IL3RA: variants seen among roughly 807,000 people sequenced by gnomAD.
IL3RA encodes interleukin 3 receptor subunit alpha.
In IL3RA, 73 loss-of-function variants were observed where a neutral mutation model predicts 52.3. The ratio of observed to expected loss-of-function variants is 1.40; its 90% CI spans 1.16 to 1.70. IL3RA has a LOEUF of 1.70. Ranked by LOEUF, IL3RA falls within the 40% of genes most tolerant of loss-of-function variation. IL3RA has a pLI of 0.00. For missense variants in IL3RA, 664 were observed against 504.4 expected (o/e 1.32, Z -3.03); for synonymous variants, 260 against 194.0 (o/e 1.34, Z -2.83).
At chrX:1,346,943 C>G (rs763419072) in intron 3 of IL3RA, among the ~76,000 whole-genome samples, 1 of 151,182 alleles carries the variant, frequency 6.6e-6, no homozygotes, top group Non-Finnish European at 1.5e-5. Flanking sequence ...TCCCATTGAA[C>G]TTTGTGATTT....
intron 2 of IL3RA, among the ~76,000 whole-genome samples, chrX:1,343,704 C>A (rs1385954823): frequency 6.8e-6 from 1 of 147,142 alleles, no homozygotes; most frequent in Non-Finnish European, 1.5e-5. Flanking sequence ...CCTTTAACAT[C>A]TTTGTACAGG....
chrX:1,352,708 TCTCA>T (rs1255442445), intron 6 of IL3RA, among the ~76,000 whole-genome samples: 2 of 152,098 alleles, frequency 1.3e-5, no homozygotes, highest in Non-Finnish European at 2.9e-5. Flanking sequence ...AGGGTCATCT[TCTCA>T]CTGTGTCTTC....
intron 2 of IL3RA, among the ~76,000 whole-genome samples, chrX:1,343,038 G>GCA (rs1224529435): frequency 1.3e-5 from 2 of 151,682 alleles, no homozygotes; most frequent in African/African-American, 4.8e-5. Flanking sequence ...TCACGCCATT[G>GCA]CACTCCAGCC....
intron 1 of IL3RA, 53 bp from the exon 2 acceptor site, chrX:1,341,675 G>A (rs3202253): frequency 0.031 from 45,451 of 1,458,508 alleles, 838 homozygotes; most frequent in Middle Eastern, 0.055. Flanking sequence ...TTCATTACCC[G>A]CAACCCAGTT....
At chrX:1,347,850 A>G (rs1327358622) in intron 3 of IL3RA, among the ~76,000 whole-genome samples, 1 of 149,736 alleles carries the variant, frequency 6.7e-6, no homozygotes, top group South Asian at 2.1e-4. Context: ...CCTCCTGGCT[A>G]ACACGGTGAA....
At position 1,348,492 on chromosome X, in the gene IL3RA, C is replaced by A; in HGVS notation, c.245C>A (p.Thr82Asn). ...AISLCEVTNY[T>N]VRVANPPFST... ...TCCTTATGTGAAGTGACCAACTACACCGTCCGAGTGGCCAACCCACCATTC... is the reference window on the plus strand; with the variant it reads ...TCCTTATGTGAAGTGACCAACTACAACGTCCGAGTGGCCAACCCACCATTC... Residue 82 changes from threonine to asparagine, a missense_variant, in exon 4 of 12, where the codon ACC becomes AAC. Physicochemically the swap from Thr to Asn is moderately conservative, Grantham distance 65. Coordinates refer to ENST00000331035, the MANE Select transcript of IL3RA (RefSeq NM_002183.4). The A allele has an allele frequency of 6.2e-7, 1 of 1,613,922 alleles. No homozygotes were observed. Among genetic ancestry groups the A allele is most frequent in the Non-Finnish European group, 8.5e-7 (1 of 1,179,864 alleles).
At chrX:1,344,494 A>G (rs1364893661) in intron 2 of IL3RA, among the ~76,000 whole-genome samples, 6 of 151,486 alleles carry the variant, frequency 4.0e-5, no homozygotes, top group South Asian at 2.1e-4. Context: ...TTGTATATCA[A>G]CTGGGCATGG....
intron 8 of IL3RA, among the ~76,000 whole-genome samples, chrX:1,364,588 A>G (rs2087760397): frequency 6.6e-6 from 1 of 151,594 alleles, no homozygotes; most frequent in Non-Finnish European, 1.5e-5. Context: ...CCCCCACCTC[A>G]GCCTCCCTGG....
intron 8 of IL3RA, among the ~76,000 whole-genome samples, chrX:1,361,333 T>G (rs1238810228): frequency 6.6e-6 from 1 of 152,108 alleles, no homozygotes; most frequent in Non-Finnish European, 1.5e-5. Context: ...TACCCAAGAC[T>G]GGGTAATTTA....
At chrX:1,343,585 T>G (rs1707301963) in intron 2 of IL3RA, among the ~76,000 whole-genome samples, 1 of 147,246 alleles carries the variant, frequency 6.8e-6, no homozygotes, top group South Asian at 2.2e-4. Context: ...GAGAATCACT[T>G]GAACCCGGGA....
chrX:1,345,466 T>G, intron 3 of IL3RA, 32 bp downstream of exon 3: 1 of 1,326,800 alleles, frequency 7.5e-7, no homozygotes, highest in Non-Finnish European at 1.0e-6. Context: ...TTTTTTATTT[T>G]TATTTTATTT....
intron 9 of IL3RA, among the ~76,000 whole-genome samples, chrX:1,367,956 G>C (rs1189569204): frequency 5.9e-5 from 9 of 152,124 alleles, no homozygotes; most frequent in Admixed American, 2.6e-4. Context: ...TCTTACTCAC[G>C]AGAGGAGACG....
At chrX:1,342,935 C>T (rs189503506) in intron 2 of IL3RA, among the ~76,000 whole-genome samples, 395 of 150,836 alleles carry the variant, frequency 2.6e-3, no homozygotes, top group African/African-American at 8.9e-3. Context: ...ATCAGCTGGG[C>T]GTGGTGGCGG....
At position 1,345,417 on chromosome X, in the gene IL3RA, G is replaced by A. The variant is rs777196927; in HGVS notation, c.166G>A (p.Ala56Thr). Residue 56 changes from alanine to threonine, a missense_variant, in exon 3 of 12, where the codon GCC (alanine) becomes ACC (threonine). Coordinates refer to ENST00000331035, the MANE Select transcript of IL3RA (RefSeq NM_002183.4). ...GACCGATATCGAGTGTGTTAAAGAC[G>A]CCGACTATTCTATGCCGGTAAATCA... ...NVTDIECVKD[A>T]DYSMPAVNNS... The A allele has an allele frequency of 9.6e-5, 154 of 1,601,210 alleles. 1 individual carries two copies. Among genetic ancestry groups the A allele is most frequent in the Admixed American group, 3.8e-4 (23 of 59,756 alleles).
chrX:1,347,401 C>G (rs868814912), intron 3 of IL3RA, among the ~76,000 whole-genome samples: 1 of 148,756 alleles, frequency 6.7e-6, no homozygotes, highest in Admixed American at 6.6e-5. Context: ...GCCGAGATCG[C>G]GCCACTGCAC....
intron 7 of IL3RA, among the ~76,000 whole-genome samples, chrX:1,357,344 C>CTGTTTGTT (rs112765040): frequency 1.3e-5 from 2 of 151,442 alleles, no homozygotes; most frequent in Non-Finnish European, 2.9e-5. Context: ...GTCACCCAAG[C>CTGTTTGTT]TGTTTGTTTG....
In IL3RA at chrX:1,341,803, T is replaced by G; in HGVS notation, c.38T>G (p.Leu13Arg). 6.2e-7 allele frequency: 1 copy of G among 1,613,936 alleles called. No individual in the cohort carries two copies. Among genetic ancestry groups the G allele is most frequent in the South Asian group, 1.1e-5 (1 of 91,072 alleles). Reference sequence around the variant, plus strand: ...TGGCTCACGCTGCTCCTGATCGCCCTGCCCTGTCTCCTGCAAACGAAGGAA... The same window carrying G: ...TGGCTCACGCTGCTCCTGATCGCCCGGCCCTGTCTCCTGCAAACGAAGGAA... Reference protein sequence around the residue: ...LLWLTLLLIALPCLLQTKEDP... With the variant: ...LLWLTLLLIARPCLLQTKEDP... Residue 13 changes from leucine to arginine, a missense_variant, in exon 2 of 12, where the codon CTG (leucine) becomes CGG (arginine). Coordinates refer to ENST00000331035, the MANE Select transcript of IL3RA (RefSeq NM_002183.4).
At chrX:1,347,248 C>G (rs17880267) in intron 3 of IL3RA, among the ~76,000 whole-genome samples, 1 of 149,874 alleles carries the variant, frequency 6.7e-6, no homozygotes, top group Non-Finnish European at 1.5e-5. Context: ...GATCGAGACC[C>G]TCCTGGCTAA....
At chrX:1,343,591 C>T (rs1171780967) in intron 2 of IL3RA, among the ~76,000 whole-genome samples, 7 of 143,310 alleles carry the variant, frequency 4.9e-5, no homozygotes, top group Non-Finnish European at 6.0e-5. Flanking sequence ...CACTTGAACC[C>T]GGGAGGCGGA....
Sources: gnomAD v4.1 joint callset for allele counts (sites outside exome capture counted in the v4.1 genomes callset) on GRCh38, gnomAD v4.1.1 for gene constraint, MANE v1.5 for transcripts, NCBI Gene and HGNC (gene_info 2026-07-23, HGNC 2026-07-21) for gene names.